ZNF208: variants seen among roughly 807,000 people sequenced by gnomAD.
ZNF208 encodes the protein zinc finger protein 208.
ZNF208 carries 10 observed loss-of-function variants against 12.1 expected under a neutral mutation model. The observed-to-expected ratio is 0.83, with a 90% confidence interval of 0.51 to 1.40. The LOEUF is 1.40. Among genes scored for constraint, ZNF208 ranks in the 40% most tolerant of loss-of-function variants. The pLI, the probability that ZNF208 is intolerant of heterozygous loss-of-function variation, is 0.00. For missense variants in ZNF208, 1,652 were observed against 1,485.0 expected, an observed-to-expected ratio of 1.11 and a Z score of -1.85; for synonymous variants, 497 against 488.4, an observed-to-expected ratio of 1.02 and a Z score of -0.23.
At position 21,972,021 on chromosome 19, in the gene ZNF208, C is replaced by A; in HGVS notation, c.3013G>T (p.Glu1005Ter). 5 of 1,613,824 alleles carry A rather than the reference C, an allele frequency of 3.1e-6. No individual in the cohort carries two copies. Among genetic ancestry groups the A allele is most frequent in the Non-Finnish European group, 4.2e-6 (5 of 1,179,916 alleles). Residue 1005 changes from glutamate (E) to a stop codon, truncating the protein, a stop_gained, in exon 4 of 4, where the codon GAA (glutamate) becomes TAA (stop). Transcript: ENST00000397126. LOFTEE classifies it low-confidence loss of function (END_TRUNC). ...HTGEKPYKCE[E>*]CGKAFNWSSN... The stretch of plus-strand genomic sequence containing the variant: ...GACCAGTTGAAAGCTTTGCCACATT[C>A]TTCACATTTGTAGGGTTTCTCTCCA...
chr19:21,951,231 T>G (rs1374280068), intron 4 of ZNF208, among the ~76,000 whole-genome samples: 1 of 152,160 alleles, frequency 6.6e-6, no homozygotes, highest in Non-Finnish European at 1.5e-5. Flanking sequence ...CTAACTATAC[T>G]GGAAGAAGTC....
chr19:22,007,918 C>A (rs1339506748), intron 1 of ZNF208, among the ~76,000 whole-genome samples: 1 of 147,984 alleles, frequency 6.8e-6, no homozygotes, highest in Non-Finnish European at 1.5e-5. Context: ...GCATAAGAAT[C>A]ACTTGAACTC....
rs201135671 is a variant in ZNF208 at position 21,971,611 on chromosome 19, G to T, written c.3423C>A (p.Tyr1141Ter). 16 of 1,612,326 alleles carry T rather than the reference G, an allele frequency of 9.9e-6. No homozygotes were observed. The highest frequency in any genetic ancestry group is 1.4e-5 in the Non-Finnish European group (16 of 1,179,912). ...HKVIHTGEKP[Y>*]KCEECGKAYK... ...AGGCTTTGCCACATTCTTCACATTT[G>T]TAGGGTTTCTCTCCAGTATGAATTA... is the stretch of plus-strand genomic sequence containing the variant. Residue 1141 changes from tyrosine to a stop codon, truncating the protein, a stop_gained, in exon 4 of 4, where the codon TAC becomes TAA. Transcript: ENST00000397126. LOFTEE classifies it low-confidence loss of function (END_TRUNC).
chr19:21,959,379 C>A (rs1479310155), intron 4 of ZNF208, among the ~76,000 whole-genome samples: 6 of 152,184 alleles, frequency 3.9e-5, no homozygotes, highest in African/African-American at 1.4e-4. Context: ...CACATACTCA[C>A]ATACACAGAA....
intron 1 of ZNF208, chr19:21,997,882 TCAAA>T (rs1432674319): frequency 1.3e-5 from 2 of 152,124 alleles, no homozygotes; most frequent in African/African-American, 2.4e-5. Context: ...ATAGGGCTTC[TCAAA>T]CAGACACACA....
At chr19:21,951,264 A>G (rs1213087904) in intron 4 of ZNF208, among the ~76,000 whole-genome samples, 1 of 152,246 alleles carries the variant, frequency 6.6e-6, no homozygotes, top group Non-Finnish European at 1.5e-5. Flanking sequence ...CTCCTAGCAC[A>G]TAATTAAAAC....
chr19:21,947,124 A>C (rs1424783972), intron 4 of ZNF208, among the ~76,000 whole-genome samples: 1 of 152,084 alleles, frequency 6.6e-6, no homozygotes, highest in Non-Finnish European at 1.5e-5. Flanking sequence ...TTGTTTTATA[A>C]TTTCCTAGCA....
chr19:21,967,245 C>T lies in ZNF208; in HGVS notation c.*3946G>A, dbSNP rs1198650979. On this transcript the variant is annotated 3_prime_UTR_variant, in exon 4 of 4. Transcript: ENST00000397126. ...TTTTTTTTTATAGAAAAAGGTAGTA[C>T]AGTTTTCTTCCACATATGACTAACC... is the stretch of plus-strand genomic sequence containing the variant. 6.6e-6 allele frequency: 1 copy of T among 151,524 alleles called. No individual in the cohort carries two copies. The highest frequency in any genetic ancestry group is 2.0e-4 in the East Asian group (1 of 5,116). 9.4% of individuals were successfully genotyped at this position (151,524 alleles called of 1,614,324 possible). A position where few individuals can be genotyped will look rare whatever the true frequency, so the allele number is the denominator to read the frequency against.
chr19:21,951,744 G>T (rs919412793), intron 4 of ZNF208, among the ~76,000 whole-genome samples: 1 of 152,152 alleles, frequency 6.6e-6, no homozygotes, highest in Non-Finnish European at 1.5e-5. Flanking sequence ...GAAGATGATG[G>T]GTGATTTCTG....
At chr19:21,955,326 GA>G (rs1299667237) in intron 4 of ZNF208, among the ~76,000 whole-genome samples, 1 of 152,184 alleles carries the variant, frequency 6.6e-6, no homozygotes, top group East Asian at 1.9e-4. Context: ...TCTTCTTGAG[GA>G]GTATCTTTGT....
At chr19:21,989,070 TTC>T (rs550212281) in intron 1 of ZNF208, among the ~76,000 whole-genome samples, 161 bp from the exon 2 acceptor site, 5 of 149,704 alleles carry the variant, frequency 3.3e-5, no homozygotes, top group East Asian at 2.0e-4. Context: ...CTCTAACATA[TTC>T]TCTCTCTTTT....
intron 4 of ZNF208, among the ~76,000 whole-genome samples, chr19:21,956,320 T>C (rs1969976197): frequency 1.1e-5 from 1 of 91,344 alleles, no homozygotes; most frequent in Non-Finnish European, 2.2e-5. Context: ...TCCATTCTCA[T>C]ATCTCAAAAC....
chr19:21,995,636 A>G (rs575699895), intron 1 of ZNF208, among the ~76,000 whole-genome samples: 2 of 152,214 alleles, frequency 1.3e-5, no homozygotes, highest in Non-Finnish European at 2.9e-5. Flanking sequence ...CAACTCCAGA[A>G]TCCGGGTTGT....
rs555662605 is a variant in ZNF208 at position 21,991,740 on chromosome 19, CA to C, written c.4-2832del. 5.9e-3 allele frequency: 436 copies of C among 73,780 alleles called. 3 individuals are homozygous for C. Among genetic ancestry groups the C allele is most frequent in the Middle Eastern group, 0.011 (1 of 90 alleles). The allele number at this position is 73,780 out of a possible 1,614,324, so 4.6% of individuals were successfully genotyped here. Reference sequence around the variant, plus strand: ...GGGCAACAAGAGTGAAACTCCATCTCAAAAAAAAAAAAAAAAAAAGAATCAA... The same window carrying C: ...GGGCAACAAGAGTGAAACTCCATCTCAAAAAAAAAAAAAAAAAAGAATCAA... On this transcript the variant is annotated intron_variant, in intron 1 of 3. Coordinates refer to ENST00000397126, the MANE Select transcript of ZNF208 (RefSeq NM_007153.3).
intron 1 of ZNF208, chr19:21,998,961 G>C (rs774026432): frequency 6.6e-6 from 1 of 151,244 alleles, no homozygotes; most frequent in African/African-American, 2.5e-5. Flanking sequence ...TCTTTGTCCT[G>C]TAATAGTAGC....
chr19:21,975,834 A>T lies in ZNF208; in HGVS notation c.227-1027T>A, dbSNP rs1384625995. ...ATATAGTCAAAGTCCAAAAAAAAAA[A>T]AAAAAAAAAAAAAAAAAGCTATCAA... On this transcript the variant is annotated intron_variant, in intron 3 of 3. Coordinates refer to ENST00000397126, the MANE Select transcript of ZNF208 (RefSeq NM_007153.3). 1.7e-3 allele frequency among the ~76,000 whole-genome samples: 244 copies of T among 147,102 alleles called. 5 individuals carry two copies. The highest frequency in any genetic ancestry group is 5.7e-3 in the African/African-American group (229 of 40,112).
intron 1 of ZNF208, 149 bp downstream of exon 1, chr19:22,010,643 C>T: frequency 3.3e-6 from 4 of 1,229,964 alleles, no homozygotes; most frequent in Admixed American, 1.9e-5. Context: ...CATCTTATGG[C>T]TGAACCGGAC....
intron 2 of ZNF208, among the ~76,000 whole-genome samples, chr19:21,988,164 G>A (rs1462556376): frequency 6.6e-6 from 1 of 152,082 alleles, no homozygotes; most frequent in Non-Finnish European, 1.5e-5. Context: ...ACACAGATCA[G>A]CTCAAGAATG....
chr19:21,976,209 T>C (rs1340559260), intron 3 of ZNF208, among the ~76,000 whole-genome samples: 1 of 152,172 alleles, frequency 6.6e-6, no homozygotes, highest in Non-Finnish European at 1.5e-5. Context: ...TCAATAAACT[T>C]AGCAACATCG....
Sources: gnomAD v4.1 joint callset for allele counts (sites outside exome capture counted in the v4.1 genomes callset) on GRCh38, gnomAD v4.1.1 for gene constraint, MANE v1.5 for transcripts, NCBI Gene and HGNC (gene_info 2026-07-23, HGNC 2026-07-21) for gene names.